Variants in FHIT observed in about 807,000 individuals in gnomAD.
The protein encoded by FHIT is fragile histidine triad diadenosine triphosphatase.
In FHIT, 19 loss-of-function variants were observed where a neutral mutation model predicts 17.9. The observed-to-expected ratio is 1.06, with a 90% CI of 0.74 to 1.56. The LOEUF (loss-of-function observed/expected upper bound fraction) is 1.56. Among genes scored for constraint, FHIT ranks in the 40% most tolerant of loss-of-function variants. The pLI is 0.00. For synonymous variants in FHIT, 81 were observed against 69.7 expected (o/e 1.16, Z -0.81); for missense variants, 248 against 189.2 (o/e 1.31, Z -1.82).
chr3:60,578,672 G>A (rs977844924), intron 4 of FHIT, among the ~76,000 whole-genome samples: 12 of 151,976 alleles, frequency 7.9e-5, no homozygotes, highest in African/African-American at 1.2e-4. Flanking sequence ...AAGTTCAAAC[G>A]TTCACATAAA....
intron 5 of FHIT, among the ~76,000 whole-genome samples, chr3:60,263,938 G>C (rs966222863): frequency 3.3e-5 from 5 of 151,460 alleles, no homozygotes; most frequent in African/African-American, 1.2e-4. Flanking sequence ...TAAATGAAAA[G>C]ATTTTAGATT....
chr3:60,881,062 A>G (rs1264979254), intron 3 of FHIT, among the ~76,000 whole-genome samples: 3 of 152,220 alleles, frequency 2.0e-5, no homozygotes, highest in African/African-American at 4.8e-5. Context: ...TCACTTCACT[A>G]CTAAGGATAC....
intron 5 of FHIT, among the ~76,000 whole-genome samples, chr3:60,409,375 T>C (rs1264626697): frequency 6.6e-6 from 1 of 152,200 alleles, no homozygotes; most frequent in Non-Finnish European, 1.5e-5. Flanking sequence ...TTGAGACCAA[T>C]CTGTGGAGTT....
intron 4 of FHIT, among the ~76,000 whole-genome samples, chr3:60,646,586 G>A (rs781154311): frequency 6.6e-5 from 10 of 152,148 alleles, no homozygotes; most frequent in African/African-American, 9.7e-5. Flanking sequence ...ATATTTTAAA[G>A]AGCTGCTGAG....
chr3:60,318,875 G>A (rs973766912), intron 5 of FHIT, among the ~76,000 whole-genome samples: 7 of 152,088 alleles, frequency 4.6e-5, no homozygotes, highest in East Asian at 1.9e-4. Context: ...CTAGAGATTC[G>A]GAAGGAAGAA....
intron 4 of FHIT, among the ~76,000 whole-genome samples, chr3:60,769,990 T>A (rs1433352391): frequency 1.3e-5 from 2 of 152,170 alleles, no homozygotes; most frequent in Admixed American, 1.3e-4. Context: ...AAAAGGGAGT[T>A]ATTGTGTTGG....
intron 4 of FHIT, among the ~76,000 whole-genome samples, chr3:60,758,030 G>A (rs868951002): frequency 6.6e-6 from 1 of 152,048 alleles, no homozygotes; most frequent in Non-Finnish European, 1.5e-5. Flanking sequence ...TTGGTCAATG[G>A]GAAACCCCAG....
At chr3:60,207,166 G>A (rs1207331333) in intron 5 of FHIT, among the ~76,000 whole-genome samples, 1 of 145,028 alleles carries the variant, frequency 6.9e-6, no homozygotes, top group African/African-American at 2.5e-5. Context: ...GTGTGTCAGT[G>A]TGCGTGTGTG....
intron 5 of FHIT, among the ~76,000 whole-genome samples, chr3:60,039,994 T>C (rs1391043894): frequency 6.6e-6 from 1 of 152,210 alleles, no homozygotes; most frequent in East Asian, 1.9e-4. Flanking sequence ...CCAGGTATGA[T>C]ATGGTATGGA....
chr3:60,068,455 G>C (rs1297625768), intron 5 of FHIT, among the ~76,000 whole-genome samples: 2 of 152,164 alleles, frequency 1.3e-5, no homozygotes, highest in East Asian at 1.9e-4. Flanking sequence ...CAAAACTCCA[G>C]ACATCATGTT....
intron 4 of FHIT, among the ~76,000 whole-genome samples, chr3:60,798,281 T>C (rs142654790): frequency 3.9e-5 from 6 of 152,122 alleles, no homozygotes; most frequent in African/African-American, 1.2e-4. Flanking sequence ...GAAATGAAGA[T>C]GAGAAAAAAT....
intron 5 of FHIT, among the ~76,000 whole-genome samples, chr3:60,489,433 T>A (rs1198235263): frequency 1.3e-5 from 2 of 152,166 alleles, no homozygotes; most frequent in Non-Finnish European, 2.9e-5. Flanking sequence ...TTTAAATTTT[T>A]AAAAGCCCAC....
chr3:60,253,238 T>C (rs1046467425), intron 5 of FHIT, among the ~76,000 whole-genome samples: 1 of 152,214 alleles, frequency 6.6e-6, no homozygotes, highest in Admixed American at 6.5e-5. Flanking sequence ...AAGGCTATCA[T>C]TAGTATATCA....
chr3:60,961,591 G>C (rs1553780864), intron 3 of FHIT, among the ~76,000 whole-genome samples: 2 of 152,128 alleles, frequency 1.3e-5, no homozygotes, highest in African/African-American at 4.8e-5. Context: ...AATCCACCTT[G>C]AATTAATTTT....
intron 3 of FHIT, among the ~76,000 whole-genome samples, chr3:61,012,984 T>G (rs1281420195): frequency 6.6e-6 from 1 of 152,094 alleles, no homozygotes; most frequent in East Asian, 1.9e-4. Flanking sequence ...ATTGTTAAAT[T>G]GACAATAGTG....
chr3:60,158,617 C>T (rs1415152830), intron 5 of FHIT, among the ~76,000 whole-genome samples: 1 of 152,092 alleles, frequency 6.6e-6, no homozygotes, highest in Non-Finnish European at 1.5e-5. Flanking sequence ...CGGCCTCATA[C>T]TTTCTCTAAG....
intron 4 of FHIT, among the ~76,000 whole-genome samples, chr3:60,616,634 C>A (rs919360461): frequency 1.3e-5 from 2 of 152,006 alleles, no homozygotes; most frequent in Admixed American, 6.6e-5. Context: ...CGTGAAAGAT[C>A]TATATAAGGA....
rs2042300139 is a variant in FHIT, at chr3:60,744,252, AAAAAACAAAACAAAAC to A, written c.-18+77651_-18+77666del. The stretch of plus-strand genomic sequence containing the variant: ...TTGCAAATTGGAAGTAATGTAAAAA[AAAAAACAAAACAAAAC>A]AAAAAAAAAAAAAAACAGAAAGAAA... On this transcript the variant is annotated intron_variant, in intron 4 of 9. Coordinates refer to ENST00000492590, the MANE Select transcript of FHIT (RefSeq NM_002012.4). Among the ~76,000 whole-genome samples, 3 of 67,696 alleles carry A rather than the reference AAAAAACAAAACAAAAC, an allele frequency of 4.4e-5. 1 individual carries two copies. The highest frequency in any genetic ancestry group is 1.7e-4 in the African/African-American group (2 of 11,736). 44.4% of individuals were successfully genotyped at this position (67,696 alleles called of 152,430 possible). A position where few individuals can be genotyped will look rare whatever the true frequency, so the allele number is the denominator to read the frequency against.
chr3:60,380,296 T>C (rs1257945558), intron 5 of FHIT, among the ~76,000 whole-genome samples: 6 of 152,174 alleles, frequency 3.9e-5, no homozygotes, highest in Admixed American at 3.9e-4. Flanking sequence ...TCACTCTCAC[T>C]GCCTCTTGCC....
Sources: gnomAD v4.1 joint callset for allele counts (sites outside exome capture counted in the v4.1 genomes callset) on GRCh38, gnomAD v4.1.1 for gene constraint, MANE v1.5 for transcripts, NCBI Gene and HGNC (gene_info 2026-07-23, HGNC 2026-07-21) for gene names.